AFF2: variants seen among roughly 807,000 people sequenced by gnomAD.
The protein encoded by AFF2 is ALF transcription elongation factor 2, also known as AF4/FMR2 family member 2.
AFF2 carries 14 observed loss-of-function variants against 76.9 expected under a neutral mutation model. The ratio of observed to expected loss-of-function variants is 0.18; its 90% confidence interval spans 0.12 to 0.28. AFF2 has a LOEUF of 0.28. Among genes scored for constraint, AFF2 ranks in the 10% least tolerant of loss-of-function variants. AFF2 has a pLI of 1.00. For missense variants in AFF2, 868 were observed against 1,001.1 expected, an observed-to-expected ratio of 0.87 and a Z score of 1.79; for synonymous variants, 398 against 366.7, an observed-to-expected ratio of 1.09 and a Z score of -0.98.
chrX:148,761,931 A>T (rs191706374), intron 3 of AFF2, among the ~76,000 whole-genome samples: 376 of 108,748 alleles, frequency 3.5e-3, no homozygotes, highest in African/African-American at 0.012. Context: ...ATATATGTGC[A>T]TGTATATGTG....
intron 3 of AFF2, among the ~76,000 whole-genome samples, chrX:148,708,648 A>G (rs1557262614): frequency 8.9e-6 from 1 of 112,169 alleles, no homozygotes; most frequent in Non-Finnish European, 1.9e-5. Context: ...TGGGAGGCGG[A>G]GGTTGCAGTG....
At chrX:148,616,240 A>G (rs1007332984) in intron 1 of AFF2, among the ~76,000 whole-genome samples, 2 of 111,810 alleles carry the variant, frequency 1.8e-5, no homozygotes, top group South Asian at 7.5e-4. Context: ...CTGGGCTTTA[A>G]TCTTCCATTT....
chrX:148,585,150 G>C (rs1348752397), intron 1 of AFF2, among the ~76,000 whole-genome samples: 1 of 111,420 alleles, frequency 9.0e-6, no homozygotes, highest in African/African-American at 3.3e-5. Flanking sequence ...GGATGAGTTA[G>C]GGTTGAGATA....
At chrX:148,694,810 C>CTTT (rs34803945) in intron 3 of AFF2, among the ~76,000 whole-genome samples, 7 of 49,121 alleles carry the variant, frequency 1.4e-4, no homozygotes, top group African/African-American at 2.3e-4. Flanking sequence ...TCACAAAGCA[C>CTTT]TTTTTTTTTT....
intron 1 of AFF2, among the ~76,000 whole-genome samples, chrX:148,571,488 C>T (rs782600731): frequency 1.8e-4 from 20 of 111,329 alleles, no homozygotes; most frequent in Non-Finnish European, 3.2e-4. Context: ...CTTTGGGGCA[C>T]ATTTTCAGTG....
At chrX:148,944,735 G>A (rs2071879792) in intron 9 of AFF2, among the ~76,000 whole-genome samples, 1 of 109,895 alleles carries the variant, frequency 9.1e-6, no homozygotes, top group Admixed American at 9.7e-5. Context: ...AGTCTTACTG[G>A]GAACATGCTG....
At chrX:148,970,031 G>C (rs1443608377) in intron 15 of AFF2, among the ~76,000 whole-genome samples, 1 of 111,838 alleles carries the variant, frequency 8.9e-6, no homozygotes, top group Non-Finnish European at 1.9e-5. Context: ...CTATTGGGTT[G>C]TGAATGAAAA....
At chrX:148,562,935 C>G (rs5936400) in intron 1 of AFF2, among the ~76,000 whole-genome samples, 29,941 of 110,753 alleles carry the variant, frequency 0.27, 3,064 homozygotes, top group Non-Finnish European at 0.3. Context: ...ATTGCAATAA[C>G]TCATCAGAAG....
chrX:148,719,062 G>GT, intron 3 of AFF2: 1 of 1,074,671 alleles, frequency 9.3e-7, no homozygotes, highest in Non-Finnish European at 1.2e-6. Context: ...TTCCACAACA[G>GT]TTTTGGGGCA....
chrX:148,903,122 A>G (rs1557281052), intron 8 of AFF2, among the ~76,000 whole-genome samples: 1 of 111,231 alleles, frequency 9.0e-6, no homozygotes. Context: ...ATTCACAAAG[A>G]TCCCCAAACA....
intron 3 of AFF2, among the ~76,000 whole-genome samples, chrX:148,780,747 C>T (rs946863816): frequency 5.4e-5 from 6 of 111,976 alleles, no homozygotes; most frequent in Non-Finnish European, 1.1e-4. Context: ...ACGCCTACTT[C>T]TGTCAGTTCG....
At chrX:148,860,054 G>A (rs782564753) in intron 7 of AFF2, among the ~76,000 whole-genome samples, 6 of 111,800 alleles carry the variant, frequency 5.4e-5, no homozygotes, top group African/African-American at 6.5e-5. Context: ...AATTTGAGTC[G>A]ATAGTTTATA....
chrX:148,683,583 A>G (rs1251942941), intron 3 of AFF2, among the ~76,000 whole-genome samples: 1 of 112,060 alleles, frequency 8.9e-6, no homozygotes, highest in Admixed American at 9.5e-5. Flanking sequence ...TATGCATTTA[A>G]CATGTTGGTC....
At chrX:148,590,269 TATCTC>T (rs1557246451) in intron 1 of AFF2, among the ~76,000 whole-genome samples, 1 of 110,174 alleles carries the variant, frequency 9.1e-6, no homozygotes, top group Non-Finnish European at 1.9e-5. Flanking sequence ...AATATGTAAT[TATCTC>T]TTCTCTTTTG....
At chrX:148,646,062 A>G (rs1418739564) in intron 1 of AFF2, among the ~76,000 whole-genome samples, 2 of 112,235 alleles carry the variant, frequency 1.8e-5, no homozygotes, top group African/African-American at 6.5e-5. Flanking sequence ...AATTCCATGT[A>G]TATGAAGTAT....
intron 1 of AFF2, among the ~76,000 whole-genome samples, chrX:148,512,923 A>C (rs2052497886): frequency 9.0e-6 from 1 of 111,498 alleles, no homozygotes; most frequent in African/African-American, 3.3e-5. Context: ...CGGACCATCC[A>C]GCCCTTTCCC....
At chrX:148,888,607 A>G (rs181687385) in intron 8 of AFF2, among the ~76,000 whole-genome samples, 1 of 112,092 alleles carries the variant, frequency 8.9e-6, no homozygotes, top group Non-Finnish European at 1.9e-5. Flanking sequence ...TTTAGATAAT[A>G]TAGTGCCATG....
chrX:148,705,575 G>C lies in AFF2; in HGVS notation c.1041+42807G>C, dbSNP rs187444060. The stretch of plus-strand genomic sequence containing the variant: ...TGAGCAGAGGACTTAGCTTTTTCAT[G>C]TGAAGCCAAGTCAGATAACTTAGGG... On this transcript the variant is annotated intron_variant, in intron 3 of 20. Transcript: ENST00000370460. Among the ~76,000 whole-genome samples, 7 of 111,715 alleles carry C rather than the reference G, an allele frequency of 6.3e-5. No individual in the cohort carries two copies. In the East Asian group the frequency reaches 2.0e-3, roughly 32 times the overall value.
In AFF2 at chrX:148,958,425, C is replaced by G. The variant is rs1378104035; in HGVS notation, c.2657C>G (p.Pro886Arg). 4 of 1,208,864 alleles carry G rather than the reference C, an allele frequency of 3.3e-6. No individual in the cohort carries two copies. Among genetic ancestry groups the G allele is most frequent in the Non-Finnish European group, 4.5e-6 (4 of 894,771 alleles). Residue 886 changes from proline (P) to arginine (R), a missense_variant, in exon 12 of 21, where the codon CCA becomes CGA. By Grantham distance (103) the Pro-to-Arg change is moderately radical. Coordinates refer to ENST00000370460, the MANE Select transcript of AFF2 (RefSeq NM_002025.4). ...TGCTTGCTCCCTCCTTGCATCTCAC[C>G]AGCCCCACCCCACAAGCCTCCCAAC... Reference protein sequence around the residue: ...TICLLPPCISPAPPHKPPNTR... With the variant: ...TICLLPPCISRAPPHKPPNTR...
Sources: allele counts gnomAD v4.1 joint callset (sites outside exome capture counted in the v4.1 genomes callset), GRCh38; gene constraint gnomAD v4.1.1; transcripts MANE v1.5; gene names NCBI Gene and HGNC (gene_info 2026-07-23, HGNC 2026-07-21).